Variants in ZNF470 observed in about 807,000 individuals in gnomAD.
The protein encoded by ZNF470 is chondrogenesis zinc finger protein 1.
In ZNF470, 13 loss-of-function variants were observed where a neutral mutation model predicts 13.9. The observed-to-expected ratio is 0.94, with a 90% confidence interval of 0.61 to 1.49. The LOEUF is 1.49. ZNF470 is among the 40% of genes most tolerant of loss of function. The probability of loss-of-function intolerance (pLI) is 0.00; values close to 1 mark genes in which losing one functional copy is unlikely to be tolerated. For missense variants in ZNF470, 929 were observed against 857.3 expected (o/e 1.08, Z -1.04); for synonymous variants, 293 against 282.9 (o/e 1.04, Z -0.36).
At position 56,581,790 on chromosome 19, in the gene ZNF470, C is replaced by T. The variant is rs1244862914; in HGVS notation, c.*3207C>T. On this transcript the variant is annotated 3_prime_UTR_variant, in exon 6 of 6. Transcript: ENST00000330619. ...CTTTTGAGTAACTGGCCATACCCTA[C>T]CATATGTTTTTGATGGACGTGGCCA... 1 of 985,402 alleles carries T rather than the reference C, an allele frequency of 1.0e-6. No homozygotes were observed. Among genetic ancestry groups the T allele is most frequent in the Non-Finnish European group, 1.2e-6 (1 of 829,920 alleles). 61.0% of individuals were successfully genotyped at this position (985,402 alleles called of 1,614,324 possible). A position where few individuals can be genotyped will look rare whatever the true frequency, so the allele number is the denominator to read the frequency against.
chr19:56,579,658 TGACAA>T lies in ZNF470; in HGVS notation c.*1080_*1084del, dbSNP rs1166839327. ...GACCTTCCATCTTGTTCCATGAGATTGACAAGACATGCCAAAACATAAAAATATGT... is the reference window on the plus strand; with the variant it reads ...GACCTTCCATCTTGTTCCATGAGATTGACATGCCAAAACATAAAAATATGT... On this transcript the variant is annotated 3_prime_UTR_variant, in exon 6 of 6. Coordinates refer to ENST00000330619, the MANE Select transcript of ZNF470 (RefSeq NM_001001668.4). The T allele has an allele frequency of 1.3e-5, 13 of 985,416 alleles. No homozygotes were observed. The highest frequency in any genetic ancestry group is 1.6e-5 in the Non-Finnish European group (13 of 829,918). 61.0% of individuals were successfully genotyped at this position (985,416 alleles called of 1,614,324 possible).
intron 5 of ZNF470, among the ~76,000 whole-genome samples, 168 bp from the exon 6 acceptor site, chr19:56,576,545 T>TA (rs1600568020): frequency 1.3e-5 from 2 of 152,328 alleles, no homozygotes; most frequent in East Asian, 3.9e-4. Flanking sequence ...GAGGATTTAT[T>TA]ACAGCAGTGC....
Position 56,577,262 on chromosome 19 carries a change from A to G in ZNF470, c.833A>G (p.His278Arg). Residue 278 changes from histidine (H) to arginine (R), a missense_variant, in exon 6 of 6, where the codon CAC becomes CGC. Coordinates refer to ENST00000330619, the MANE Select transcript of ZNF470 (RefSeq NM_001001668.4). Reference protein sequence around the residue: ...SAHLAQHQRIHTGEKPFECTE... With the variant: ...SAHLAQHQRIRTGEKPFECTE... Reference sequence around the variant, plus strand: ...CACCTTGCTCAACATCAGAGAATACACACAGGAGAAAAACCTTTTGAATGT... The same window carrying G: ...CACCTTGCTCAACATCAGAGAATACGCACAGGAGAAAAACCTTTTGAATGT... 1 of 1,612,556 alleles carries G rather than the reference A, an allele frequency of 6.2e-7. No individual in the cohort carries two copies. The highest frequency in any genetic ancestry group is 8.5e-7 in the Non-Finnish European group (1 of 1,179,262).
In ZNF470 at chr19:56,578,800, A is replaced by G; in HGVS notation, c.*217A>G. ...GTTATTTTCCCATTTAAAACACTTG[A>G]TTTGAAAAATATATTAACTAATCCA... is the stretch of plus-strand genomic sequence containing the variant. On this transcript the variant is annotated 3_prime_UTR_variant, in exon 6 of 6. Coordinates refer to ENST00000330619, the MANE Select transcript of ZNF470 (RefSeq NM_001001668.4). The G allele has an allele frequency of 8.1e-7, 1 of 1,228,286 alleles. No homozygotes were observed. The highest frequency in any genetic ancestry group is 1.5e-5 in the African/African-American group (1 of 64,906). 76.1% of individuals were successfully genotyped at this position (1,228,286 alleles called of 1,614,324 possible).
Position 56,580,272 on chromosome 19 carries a change from G to A in ZNF470, c.*1689G>A. On this transcript the variant is annotated 3_prime_UTR_variant, in exon 6 of 6. Coordinates refer to ENST00000330619, the MANE Select transcript of ZNF470 (RefSeq NM_001001668.4). ...GTTTATGATGCTTTGAGTGTTGGAGGAAGGGAGGATTGATGGTTTAACAGA... is the reference window on the plus strand; with the variant it reads ...GTTTATGATGCTTTGAGTGTTGGAGAAAGGGAGGATTGATGGTTTAACAGA... The A allele has an allele frequency of 1.8e-6, 1 of 549,650 alleles. No homozygotes were observed. The highest frequency in any genetic ancestry group is 2.3e-6 in the Non-Finnish European group (1 of 432,892). The allele number at this position is 549,650 out of a possible 1,614,324, so 34.0% of individuals were successfully genotyped here.
Position 56,567,622 on chromosome 19 carries a change from G to A in ZNF470, c.-575G>A. The A allele has an allele frequency of 1.0e-6, 1 of 988,600 alleles. No homozygotes were observed. Among genetic ancestry groups the A allele is most frequent in the Non-Finnish European group, 1.2e-6 (1 of 832,520 alleles). The allele number at this position is 988,600 out of a possible 1,614,324, so 61.2% of individuals were successfully genotyped here. On this transcript the variant is annotated 5_prime_UTR_variant, in exon 1 of 6. In the 5' UTR this introduces an upstream ATG that the reference lacks. Coordinates refer to ENST00000330619, the MANE Select transcript of ZNF470 (RefSeq NM_001001668.4). ...GGGCGGCGGGCGTGAGCGTGCGCGT[G>A]TGGCCTGGTGGCTGTGAGTGCCCAT...
chr19:56,572,371 A>AAAAAT (rs2044459428), intron 3 of ZNF470, among the ~76,000 whole-genome samples: 3 of 17,230 alleles, frequency 1.7e-4, no homozygotes, highest in Admixed American at 8.4e-4. Flanking sequence ...AAAAAAAAAA[A>AAAAAT]ATATATATAT....
Position 56,567,755 on chromosome 19 carries a change from T to C in ZNF470, c.-442T>C. ...GGCCGCGAATCTGCGCCTGCGTGCA[T>C]GGCCCGGCGGCGTGCGGAAGGCGGT... is the stretch of plus-strand genomic sequence containing the variant. On this transcript the variant is annotated 5_prime_UTR_variant, in exon 1 of 6. An upstream start codon of the reference 5' UTR is lost. Coordinates refer to ENST00000330619, the MANE Select transcript of ZNF470 (RefSeq NM_001001668.4). 2 of 987,868 alleles carry C rather than the reference T, an allele frequency of 2.0e-6. No homozygotes were observed. The highest frequency in any genetic ancestry group is 2.4e-6 in the Non-Finnish European group (2 of 831,836). The allele number at this position is 987,868 out of a possible 1,614,324, so 61.2% of individuals were successfully genotyped here.
intron 5 of ZNF470, among the ~76,000 whole-genome samples, chr19:56,575,957 A>G (rs1017547472): frequency 4.6e-5 from 7 of 152,216 alleles, no homozygotes; most frequent in Non-Finnish European, 7.4e-5. Context: ...TACAAATAAA[A>G]GTAGGAATAA....
intron 1 of ZNF470, 43 bp downstream of exon 1, chr19:56,568,081 T>G (rs1321893382): frequency 8.1e-6 from 8 of 985,522 alleles, no homozygotes; most frequent in Non-Finnish European, 8.4e-6. Flanking sequence ...GAGTGGACAT[T>G]GAGGTTTTGG....
In ZNF470 at chr19:56,578,951, A is replaced by G. The variant is rs2044514701; in HGVS notation, c.*368A>G. The G allele has an allele frequency of 2.0e-6, 2 of 1,001,274 alleles. No homozygotes were observed. Among genetic ancestry groups the G allele is most frequent in the African/African-American group, 3.5e-5 (2 of 57,876 alleles). The allele number at this position is 1,001,274 out of a possible 1,614,324, so 62.0% of individuals were successfully genotyped here. On this transcript the variant is annotated 3_prime_UTR_variant, in exon 6 of 6. Coordinates refer to ENST00000330619, the MANE Select transcript of ZNF470 (RefSeq NM_001001668.4). ...AAACCAAACAGTAAGTCTAAGACTAAGATTTTAGAGCAGACAGAAGACTAC... is the reference window on the plus strand; with the variant it reads ...AAACCAAACAGTAAGTCTAAGACTAGGATTTTAGAGCAGACAGAAGACTAC...
Position 56,579,042 on chromosome 19 carries a change from T to C in ZNF470, c.*459T>C, listed in dbSNP as rs2044515356. The stretch of plus-strand genomic sequence containing the variant: ...AAGATTTATGGTACACAAGGTAACA[T>C]GGTGGCTTATCACTCCCTCTGTGAC... On this transcript the variant is annotated 3_prime_UTR_variant, in exon 6 of 6. Coordinates refer to ENST00000330619, the MANE Select transcript of ZNF470 (RefSeq NM_001001668.4). 1 of 986,320 alleles carries C rather than the reference T, an allele frequency of 1.0e-6. No individual in the cohort carries two copies. Among genetic ancestry groups the C allele is most frequent in the Non-Finnish European group, 1.2e-6 (1 of 830,672 alleles). 61.1% of individuals were successfully genotyped at this position (986,320 alleles called of 1,614,324 possible).
Position 56,579,753 on chromosome 19 carries a change from TAGGA to T in ZNF470, c.*1174_*1177del, listed in dbSNP as rs1480099409. 11 of 970,378 alleles carry T rather than the reference TAGGA, an allele frequency of 1.1e-5. No individual in the cohort carries two copies. In the African/African-American group the frequency reaches 1.6e-4, roughly 14 times the overall value. 60.1% of individuals were successfully genotyped at this position (970,378 alleles called of 1,614,324 possible). On this transcript the variant is annotated 3_prime_UTR_variant, in exon 6 of 6. Coordinates refer to ENST00000330619, the MANE Select transcript of ZNF470 (RefSeq NM_001001668.4). ...AACTTATTTTTAAAATATTTAAAAA[TAGGA>T]AGGCTAGACATGCCTCTGTATAGAA...
chr19:56,578,453 G>C lies in ZNF470; in HGVS notation c.2024G>C (p.Arg675Thr). 2.5e-6 allele frequency: 4 copies of C among 1,612,700 alleles called. No homozygotes were observed. The highest frequency in any genetic ancestry group is 1.7e-5 in the Admixed American group (1 of 59,812). Reference sequence around the variant, plus strand: ...CATAAGAGAATTCATACTGGAGAAAGGCCCTATGAGTGTAAAGAATGTGGA... The same window carrying C: ...CATAAGAGAATTCATACTGGAGAAACGCCCTATGAGTGTAAAGAATGTGGA... ...TLHKRIHTGERPYECKECGKA... is the reference protein window; with the variant it reads ...TLHKRIHTGETPYECKECGKA... The change falls in exon 6 of 6, where the codon AGG (arginine) becomes ACG (threonine). Residue 675 changes from arginine (R) to threonine (T), a missense_variant. Transcript: ENST00000330619.
At position 56,574,394 on chromosome 19, in the gene ZNF470, G is replaced by C; in HGVS notation, c.61G>C (p.Gly21Arg). Residue 21 changes from glycine (G) to arginine (R), a missense_variant and splice_region_variant, in exon 4 of 6, where the codon GGT (glycine) becomes CGT (arginine). Physicochemically the swap from Gly to Arg is moderately radical, Grantham distance 125. Transcript: ENST00000330619. ...GIKLCKAMSL[G>R]SVTFTDVAID... ...CAAGATCATATTTGTGTCATTTTAG[G>C]GTTCAGTGACTTTCACAGATGTGGC... 6.2e-7 allele frequency: 1 copy of C among 1,613,646 alleles called. No homozygotes were observed. Among genetic ancestry groups the C allele is most frequent in the Non-Finnish European group, 8.5e-7 (1 of 1,179,662 alleles).
chr19:56,579,795 A>AT lies in ZNF470; in HGVS notation c.*1213dup. 1 of 923,138 alleles carries AT rather than the reference A, an allele frequency of 1.1e-6. No homozygotes were observed. The highest frequency in any genetic ancestry group is 1.3e-6 in the Non-Finnish European group (1 of 773,464). 57.2% of individuals were successfully genotyped at this position (923,138 alleles called of 1,614,324 possible). ...CCTCTGTATAGAAAATCTGATAAAA[A>AT]TATTTCTCCCTAAATTGTAAATTCA... is the stretch of plus-strand genomic sequence containing the variant. On this transcript the variant is annotated 3_prime_UTR_variant, in exon 6 of 6. Coordinates refer to ENST00000330619, the MANE Select transcript of ZNF470 (RefSeq NM_001001668.4).
At chr19:56,570,499 T>G (rs1213372503) in intron 3 of ZNF470, 128 bp downstream of exon 3, 4 of 856,674 alleles carry the variant, frequency 4.7e-6, no homozygotes, top group Non-Finnish European at 7.5e-6. Context: ...TTTCTTCCCT[T>G]TCTGATATGT....
At chr19:56,569,442 A>G (rs2044434802) in intron 2 of ZNF470, among the ~76,000 whole-genome samples, 1 of 152,226 alleles carries the variant, frequency 6.6e-6, no homozygotes, top group African/African-American at 2.4e-5. Context: ...GGCCAACTGC[A>G]CAGAGGACTT....
At position 56,580,721 on chromosome 19, in the gene ZNF470, G is replaced by A. The variant is rs1003657031; in HGVS notation, c.*2138G>A. 3 of 382,626 alleles carry A rather than the reference G, an allele frequency of 7.8e-6. No individual in the cohort carries two copies. Among genetic ancestry groups the A allele is most frequent in the African/African-American group, 6.6e-5 (3 of 45,206 alleles). The allele number at this position is 382,626 out of a possible 1,614,324, so 23.7% of individuals were successfully genotyped here. ...CCAGAGTACATGACTGCTAGAAAAT[G>A]GAGTTTGGGGCTCCCTCTTCACTTC... On this transcript the variant is annotated 3_prime_UTR_variant, in exon 6 of 6. Transcript: ENST00000330619.
Sources: gnomAD v4.1 joint callset for allele counts (sites outside exome capture counted in the v4.1 genomes callset) on GRCh38, gnomAD v4.1.1 for gene constraint, MANE v1.5 for transcripts, NCBI Gene and HGNC (gene_info 2026-07-23, HGNC 2026-07-21) for gene names.